VPS8: variants seen among roughly 807,000 people sequenced by gnomAD.
The protein encoded by VPS8 is vacuolar protein sorting-associated protein 8 homolog.
VPS8 carries 129 observed loss-of-function variants against 216.4 expected under a neutral mutation model. The observed-to-expected ratio is 0.60, with a 90% confidence interval of 0.52 to 0.69. The LOEUF is 0.69. Ranked by LOEUF, VPS8 falls within the 30% of genes least tolerant of loss-of-function variation. VPS8 has a pLI of 0.00. For missense variants in VPS8, 1,531 were observed against 1,683.5 expected (o/e 0.91, Z 1.59); for synonymous variants, 571 against 565.4 (o/e 1.01, Z -0.14).
At position 184,905,396 on chromosome 3, in the gene VPS8, T is replaced by C. The variant is rs191102723; in HGVS notation, c.2146+4424T>C. Among the ~76,000 whole-genome samples the C allele has an allele frequency of 1.2e-4, 19 of 152,338 alleles. No individual in the cohort carries two copies. The East Asian group carries it at 3.5e-3, about 28-fold the overall frequency. On this transcript the variant is annotated intron_variant, in intron 25 of 47. Transcript: ENST00000625842. Reference sequence around the variant, plus strand: ...TATGTAGGCATATAGTTGTTGATAGTATTCCTTTGTAATTCCTTTTATTTC... The same window carrying C: ...TATGTAGGCATATAGTTGTTGATAGCATTCCTTTGTAATTCCTTTTATTTC...
At chr3:185,011,113 C>A (rs370543216) in intron 45 of VPS8, among the ~76,000 whole-genome samples, 94 of 144,746 alleles carry the variant, frequency 6.5e-4, no homozygotes, top group Admixed American at 8.2e-4. Flanking sequence ...ACACAGAGTA[C>A]AAAAAAAAAA....
At chr3:184,874,391 C>G (rs1483673255) in intron 21 of VPS8, among the ~76,000 whole-genome samples, 1 of 152,134 alleles carries the variant, frequency 6.6e-6, no homozygotes, top group Non-Finnish European at 1.5e-5. Context: ...TCCTAGGACT[C>G]TTTCATACCC....
At chr3:184,986,065 A>G (rs1245858399) in intron 42 of VPS8, among the ~76,000 whole-genome samples, 1 of 152,192 alleles carries the variant, frequency 6.6e-6, no homozygotes, top group Non-Finnish European at 1.5e-5. Context: ...TGAGTAAGTT[A>G]GATTGAGTGG....
intron 46 of VPS8, among the ~76,000 whole-genome samples, chr3:185,033,375 A>G (rs1188025526): frequency 1.3e-5 from 2 of 152,196 alleles, no homozygotes; most frequent in African/African-American, 4.8e-5. Flanking sequence ...ATGTAATCGC[A>G]TAGTATATAG....
rs535875689 is a variant in VPS8, at chr3:184,886,010, C to A, written c.1735-100C>A. On this transcript the variant is annotated intron_variant, in intron 21 of 47. Transcript: ENST00000625842. ...CCAAAAGCATGATATGAAGTTATAT[C>A]CTCCTAACAATCTAAAAGCATCTTA... 1.3e-4 allele frequency: 169 copies of A among 1,307,360 alleles called. 3 individuals carry two copies. The South Asian group carries it at 1.8e-3, about 14-fold the overall frequency. 81.0% of individuals were successfully genotyped at this position (1,307,360 alleles called of 1,614,324 possible). A position where few individuals can be genotyped will look rare whatever the true frequency, so the allele number is the denominator to read the frequency against.
intron 29 of VPS8, among the ~76,000 whole-genome samples, chr3:184,920,852 T>G (rs1282944890): frequency 6.6e-6 from 1 of 152,262 alleles, no homozygotes; most frequent in Non-Finnish European, 1.5e-5. Flanking sequence ...TTAAATTATT[T>G]TGGACAAGAC....
intron 7 of VPS8, among the ~76,000 whole-genome samples, chr3:184,840,754 T>G (rs1721987404): frequency 6.6e-6 from 1 of 151,886 alleles, no homozygotes; most frequent in Admixed American, 6.6e-5. Flanking sequence ...ATTAGTTTTT[T>G]TGGGGGGGGT....
chr3:184,912,710 C>G (rs1231176190), intron 25 of VPS8, among the ~76,000 whole-genome samples: 2 of 152,116 alleles, frequency 1.3e-5, no homozygotes, highest in Non-Finnish European at 1.5e-5. Context: ...ACATTTGGAG[C>G]AATTCATGTT....
At chr3:184,860,979 C>T (rs375020040) in intron 15 of VPS8, among the ~76,000 whole-genome samples, 21 of 151,838 alleles carry the variant, frequency 1.4e-4, no homozygotes, top group Middle Eastern at 3.4e-3. Flanking sequence ...CCCCCCATCA[C>T]GCCTGGCTAA....
intron 43 of VPS8, among the ~76,000 whole-genome samples, chr3:184,994,764 A>G (rs977167353): frequency 3.9e-5 from 6 of 152,246 alleles, no homozygotes; most frequent in Non-Finnish European, 8.8e-5. Context: ...GATAGTTGTC[A>G]CTAACCATTG....
rs1733039732 is a variant in VPS8 at position 184,894,608 on chromosome 3, T to C, written c.1782-95T>C. 6 of 966,234 alleles carry C rather than the reference T, an allele frequency of 6.2e-6. No homozygotes were observed. In the Admixed American group the frequency reaches 1.3e-4, roughly 22 times the overall value. The allele number at this position is 966,234 out of a possible 1,614,324, so 59.9% of individuals were successfully genotyped here. A position where few individuals can be genotyped will look rare whatever the true frequency, so the allele number is the denominator to read the frequency against. ...ATTTTAAATAAACTCATGAGTAAGTTGAAGTAGGGAAAAGATGAGATATAT... is the reference window on the plus strand; with the variant it reads ...ATTTTAAATAAACTCATGAGTAAGTCGAAGTAGGGAAAAGATGAGATATAT... On this transcript the variant is annotated intron_variant, in intron 22 of 47. Coordinates refer to ENST00000625842, the MANE Select transcript of VPS8 (RefSeq NM_001009921.3).
chr3:185,036,638 C>A (rs867074759), intron 46 of VPS8, among the ~76,000 whole-genome samples: 1 of 150,804 alleles, frequency 6.6e-6, no homozygotes, highest in African/African-American at 2.4e-5. Context: ...TTTTCATATT[C>A]AGCTTTTGAT....
intron 39 of VPS8, among the ~76,000 whole-genome samples, chr3:184,968,973 G>A (rs1014801281): frequency 1.3e-5 from 2 of 152,122 alleles, no homozygotes. Flanking sequence ...TGGAACATCA[G>A]TGAACATTTG....
At position 185,027,235 on chromosome 3, in the gene VPS8, C is replaced by CTTTTTTTTTT. The variant is rs893256183; in HGVS notation, c.4056+2862_4056+2871dup. On this transcript the variant is annotated intron_variant, in intron 46 of 47. Coordinates refer to ENST00000625842, the MANE Select transcript of VPS8 (RefSeq NM_001009921.3). ...GCTAACTTAGTGCAGTTTTTATGTT[C>CTTTTTTTTTT]TTTTTTTTTTTTTTTTTTTTTTTTT... is the stretch of plus-strand genomic sequence containing the variant. 2.5e-4 allele frequency among the ~76,000 whole-genome samples: 22 copies of CTTTTTTTTTT among 87,726 alleles called. 1 individual carries two copies. Among genetic ancestry groups the CTTTTTTTTTT allele is most frequent in the African/African-American group, 8.9e-4 (19 of 21,288 alleles). 57.6% of individuals were successfully genotyped at this position (87,726 alleles called of 152,430 possible). A position where few individuals can be genotyped will look rare whatever the true frequency, so the allele number is the denominator to read the frequency against.
chr3:185,022,504 G>C (rs1382274352), intron 45 of VPS8, among the ~76,000 whole-genome samples: 1 of 151,982 alleles, frequency 6.6e-6, no homozygotes, highest in Non-Finnish European at 1.5e-5. Flanking sequence ...TTCTGTTTTG[G>C]GTCCATTTTT....
chr3:184,857,865 G>A (rs1337369787), intron 14 of VPS8, among the ~76,000 whole-genome samples: 1 of 152,068 alleles, frequency 6.6e-6, no homozygotes, highest in Non-Finnish European at 1.5e-5. Context: ...GTATAATAGT[G>A]GAACTTAGAT....
At chr3:185,024,315 A>G (rs1373759985) in intron 45 of VPS8, 21 bp from the exon 46 acceptor site, 2 of 1,572,044 alleles carry the variant, frequency 1.3e-6, no homozygotes, top group Non-Finnish European at 1.7e-6. Context: ...GGGTATTAAA[A>G]TGTTTGCCTT....
chr3:184,922,608 T>C (rs2109150467), intron 29 of VPS8: 1 of 327,546 alleles, frequency 3.1e-6, no homozygotes, highest in East Asian at 8.2e-5. Context: ...TTGTATGTTG[T>C]CTTGATAGTG....
chr3:185,048,646 G>A, intron 47 of VPS8, 87 bp downstream of exon 47: 1 of 1,461,462 alleles, frequency 6.8e-7, no homozygotes, highest in Non-Finnish European at 9.4e-7. Flanking sequence ...CCTCCCTCTA[G>A]CCTCCTTCTA....
Sources: allele counts gnomAD v4.1 joint callset (sites outside exome capture counted in the v4.1 genomes callset), GRCh38; gene constraint gnomAD v4.1.1; transcripts MANE v1.5; gene names NCBI Gene and HGNC (gene_info 2026-07-23, HGNC 2026-07-21).